NUP85: variants seen among roughly 807,000 people sequenced by gnomAD.
NUP85 encodes nucleoporin 85.
NUP85 carries 23 observed loss-of-function variants against 92.8 expected under a neutral mutation model. That is an observed-to-expected ratio of 0.25 (90% CI 0.18 to 0.35). The LOEUF (loss-of-function observed/expected upper bound fraction) is 0.35, where lower values mean the gene tolerates loss of function less well. Ranked by LOEUF, NUP85 falls within the 10% of genes least tolerant of loss-of-function variation. The pLI is 1.00. For synonymous variants in NUP85, 314 were observed against 306.9 expected, an observed-to-expected ratio of 1.02 and a Z score of -0.24; for missense variants, 759 against 822.8, an observed-to-expected ratio of 0.92 and a Z score of 0.95.
At chr17:75,233,759 C>T (rs1170348024) in intron 16 of NUP85, among the ~76,000 whole-genome samples, 1 of 152,038 alleles carries the variant, frequency 6.6e-6, no homozygotes, top group African/African-American at 2.4e-5. Context: ...CCACCACACC[C>T]AGCTAATTTT....
At chr17:75,235,443 TCTTTTA>T (rs2076295368) in intron 18 of NUP85, 129 bp from the exon 19 acceptor site, 1 of 653,110 alleles carries the variant, frequency 1.5e-6, no homozygotes, top group Non-Finnish European at 2.7e-6. Context: ...GGTATTGCTT[TCTTTTA>T]CATCGATAAT....
rs534493453 is a variant in NUP85, at chr17:75,219,241, G to A, written c.597+935G>A. ...GGCACGGTGGCTCACAGGAAGTAGT[G>A]GGCCAAATGTTTGAGTCTCTGATTG... On this transcript the variant is annotated intron_variant, in intron 7 of 18. Transcript: ENST00000245544. Among the ~76,000 whole-genome samples the A allele has an allele frequency of 1.7e-4, 26 of 152,280 alleles. No individual in the cohort carries two copies. In the South Asian group the frequency reaches 5.4e-3, roughly 32 times the overall value.
chr17:75,235,752 A>C lies in NUP85; in HGVS notation c.*73A>C, dbSNP rs985025621. The C allele has an allele frequency of 8.5e-7, 1 of 1,175,600 alleles. No homozygotes were observed. Among genetic ancestry groups the C allele is most frequent in the Non-Finnish European group, 1.3e-6 (1 of 798,134 alleles). The allele number at this position is 1,175,600 out of a possible 1,614,324, so 72.8% of individuals were successfully genotyped here. A position where few individuals can be genotyped will look rare whatever the true frequency, so the allele number is the denominator to read the frequency against. ...TTTAAAAGAATAAATGTTGTTTTGCAAATGTAGGTTCTTAGAGTCCACCCA... is the reference window on the plus strand; with the variant it reads ...TTTAAAAGAATAAATGTTGTTTTGCCAATGTAGGTTCTTAGAGTCCACCCA... On this transcript the variant is annotated 3_prime_UTR_variant, in exon 19 of 19. Coordinates refer to ENST00000245544, the MANE Select transcript of NUP85 (RefSeq NM_024844.5).
intron 16 of NUP85, among the ~76,000 whole-genome samples, chr17:75,234,406 AT>A (rs2145436765): frequency 6.6e-6 from 1 of 152,176 alleles, no homozygotes; most frequent in African/African-American, 2.4e-5. Context: ...TTTGACTCTG[AT>A]GTTTCCCCAG....
chr17:75,210,051 G>A (rs982696031), intron 3 of NUP85, 66 bp downstream of exon 3: 2 of 1,502,434 alleles, frequency 1.3e-6, no homozygotes, highest in African/African-American at 1.4e-5. Context: ...GAAGTACATT[G>A]TTGTCTTTTT....
At position 75,233,399 on chromosome 17, in the gene NUP85, CTTTCTCTTTCTT is replaced by C. The variant is rs1197808964; in HGVS notation, c.1615+243_1615+254del. Among the ~76,000 whole-genome samples, 10 of 129,804 alleles carry C rather than the reference CTTTCTCTTTCTT, an allele frequency of 7.7e-5. No homozygotes were observed. In the South Asian group the frequency reaches 7.9e-4, roughly 10 times the overall value. The allele number at this position is 129,804 out of a possible 152,430, so 85.2% of individuals were successfully genotyped here. ...TCTTTCTCTCTTTCTTTCTCTTTCT[CTTTCTCTTTCTT>C]TCTTTCTTCTTTTCTTTTATTTTTT... On this transcript the variant is annotated intron_variant, in intron 16 of 18. Transcript: ENST00000245544.
At chr17:75,216,698 C>G (rs535555587) in intron 6 of NUP85, among the ~76,000 whole-genome samples, 1 of 152,236 alleles carries the variant, frequency 6.6e-6, no homozygotes, top group African/African-American at 2.4e-5. Flanking sequence ...GAGTAGTAAC[C>G]TCTGTGTAGC....
At chr17:75,208,734 T>C in intron 2 of NUP85, 114 bp downstream of exon 2, 2 of 735,262 alleles carry the variant, frequency 2.7e-6, no homozygotes, top group East Asian at 5.0e-5. Context: ...TTTTGTACTA[T>C]TTTAATTTTC....
intron 11 of NUP85, among the ~76,000 whole-genome samples, chr17:75,227,511 T>C (rs2075863181): frequency 6.6e-6 from 1 of 151,948 alleles, no homozygotes; most frequent in Admixed American, 6.6e-5. Flanking sequence ...AATTTTTGTG[T>C]TTTTCAATAG....
At position 75,231,704 on chromosome 17, in the gene NUP85, T is replaced by C. The variant is rs766106181; in HGVS notation, c.1244+66T>C. On this transcript the variant is annotated intron_variant, in intron 13 of 18. Coordinates refer to ENST00000245544, the MANE Select transcript of NUP85 (RefSeq NM_024844.5). This position sits in a 1 kb window ranked among gnomAD's most constrained non-coding sequence, Gnocchi z 4.6. ...TCAGCATGCGGGTGCCATTGGAGCT[T>C]GGACTGTTCTCTCCCAGTTGGCTCC... 12 of 1,605,938 alleles carry C rather than the reference T, an allele frequency of 7.5e-6. No homozygotes were observed. Among genetic ancestry groups the C allele is most frequent in the Non-Finnish European group, 1.0e-5 (12 of 1,172,988 alleles).
intron 5 of NUP85, among the ~76,000 whole-genome samples, chr17:75,214,046 G>A (rs57575583): frequency 0.047 from 7,063 of 151,352 alleles, 555 homozygotes; most frequent in African/African-American, 0.16. Flanking sequence ...GGGTTTCACC[G>A]TGTTAGCCAG....
chr17:75,221,026 C>T (rs886349033), intron 7 of NUP85, among the ~76,000 whole-genome samples: 3 of 151,536 alleles, frequency 2.0e-5, no homozygotes, highest in East Asian at 2.0e-4. Context: ...GGACCACGGG[C>T]GCCTGCCACC....
At chr17:75,225,624 G>A (rs7223104) in intron 9 of NUP85, 74 bp from the exon 10 acceptor site, 2 of 1,594,608 alleles carry the variant, frequency 1.3e-6, no homozygotes, top group South Asian at 2.3e-5. Flanking sequence ...GGTGCCCTTA[G>A]CTGAGAGCAG....
chr17:75,232,875 C>T lies in NUP85; in HGVS notation c.1421C>T (p.Ala474Val). ...EQVRSICKIL[A>V]MKAVRNNRLG... ...GTTCGCAGCATTTGTAAGATCTTAGCCATGAAAGCCGTCCGCAACAATCGC... is the reference window on the plus strand; with the variant it reads ...GTTCGCAGCATTTGTAAGATCTTAGTCATGAAAGCCGTCCGCAACAATCGC... Residue 474 changes from alanine to valine, a missense_variant, in exon 15 of 19, where the codon GCC becomes GTC. By Grantham distance (64) the Ala-to-Val change is moderately conservative (BLOSUM62 0). Coordinates refer to ENST00000245544, the MANE Select transcript of NUP85 (RefSeq NM_024844.5). 2 of 1,614,174 alleles carry T rather than the reference C, an allele frequency of 1.2e-6. No homozygotes were observed. Among genetic ancestry groups the T allele is most frequent in the Non-Finnish European group, 1.7e-6 (2 of 1,180,022 alleles).
chr17:75,235,296 T>C (rs1249358044), intron 18 of NUP85, 95 bp downstream of exon 18: 2 of 836,228 alleles, frequency 2.4e-6, no homozygotes, highest in Non-Finnish European at 3.8e-6. Flanking sequence ...CACTGGCTCC[T>C]ATGGACACAT....
intron 3 of NUP85, 94 bp downstream of exon 3, chr17:75,210,079 C>T (rs752731160): frequency 4.4e-5 from 56 of 1,282,534 alleles, no homozygotes; most frequent in Admixed American, 1.0e-4. Flanking sequence ...TTATGGGTTG[C>T]GTAAAGAAAT....
At chr17:75,207,658 T>G in intron 1 of NUP85, among the ~76,000 whole-genome samples, 1 of 151,638 alleles carries the variant, frequency 6.6e-6, no homozygotes, top group Non-Finnish European at 1.5e-5. Context: ...TTTTGTATTT[T>G]TGGTAGAGAT....
Position 75,231,893 on chromosome 17 carries a change from T to C in NUP85, c.1310T>C (p.Leu437Pro), listed in dbSNP as rs1189359491. Residue 437 changes from leucine to proline, a missense_variant, in exon 14 of 19, where the codon CTG (leucine) becomes CCG (proline). Transcript: ENST00000245544. This position sits in a 1 kb window ranked among gnomAD's most constrained non-coding sequence, Gnocchi z 4.6. ...CPELGRVSLE[L>P]HIERIPLNTE... The stretch of plus-strand genomic sequence containing the variant: ...GAGCTGGGCCGAGTCTCCCTGGAGC[T>C]GCACATTGAGCGGATACCTCTGAAC... The C allele has an allele frequency of 6.2e-7, 1 of 1,614,108 alleles. No individual in the cohort carries two copies.
At position 75,212,111 on chromosome 17, in the gene NUP85, G is replaced by GTGT; in HGVS notation, c.361+49_361+50insTGT. ...GCGTGTGTGTGTGTGTGTGTGTGTGGGTATTTTGAGTATTTATCTATGCAT... is the reference window on the plus strand; with the variant it reads ...GCGTGTGTGTGTGTGTGTGTGTGTGGTGTGTATTTTGAGTATTTATCTATGCAT... On this transcript the variant is annotated intron_variant, in intron 4 of 18. Transcript: ENST00000245544. 2.0e-5 allele frequency: 8 copies of GTGT among 402,060 alleles called. No homozygotes were observed. In the African/African-American group the frequency reaches 2.3e-4, roughly 12 times the overall value. 24.9% of individuals were successfully genotyped at this position (402,060 alleles called of 1,614,324 possible). A position where few individuals can be genotyped will look rare whatever the true frequency, so the allele number is the denominator to read the frequency against.
Sources: allele counts gnomAD v4.1 joint callset (sites outside exome capture counted in the v4.1 genomes callset), GRCh38; gene constraint gnomAD v4.1.1; non-coding constraint Gnocchi (gnomAD v3.1); transcripts MANE v1.5; gene names NCBI Gene and HGNC (gene_info 2026-07-23, HGNC 2026-07-21).